The following FGF14 variants were observed in gnomAD, a reference collection of about 807,000 sequenced individuals.
The protein encoded by FGF14 is fibroblast growth factor 14.
FGF14 carries 5 observed loss-of-function variants against 25.5 expected under a neutral mutation model. That is an observed-to-expected ratio of 0.20 (90% CI 0.10 to 0.41). FGF14 has a LOEUF of 0.41. FGF14 is among the 10% of genes least tolerant of loss of function. FGF14 has a pLI of 1.00. For synonymous variants in FGF14, 138 were observed against 118.3 expected (o/e 1.17, Z -1.08); for missense variants, 222 against 320.1 (o/e 0.69, Z 2.34).
chr13:101,798,358 A>T (rs949875023), intron 3 of FGF14, among the ~76,000 whole-genome samples: 10 of 152,108 alleles, frequency 6.6e-5, no homozygotes, highest in African/African-American at 2.4e-4. Context: ...GTGTCCTAGA[A>T]AACTGGCTGG....
chr13:102,314,298 C>G (rs899720141), intron 1 of FGF14, among the ~76,000 whole-genome samples: 10 of 152,168 alleles, frequency 6.6e-5, no homozygotes, highest in African/African-American at 2.2e-4. Context: ...GGAACTGTCT[C>G]TCTCCACCGA....
chr13:102,215,265 C>T (rs116131418), intron 1 of FGF14, among the ~76,000 whole-genome samples: 1,554 of 152,310 alleles, frequency 0.01, 34 homozygotes, highest in African/African-American at 0.034. Context: ...CAGCATGCTC[C>T]AGCACTGGAT....
chr13:102,285,551 CTGTT>C (rs548944495), intron 1 of FGF14, among the ~76,000 whole-genome samples: 153 of 152,260 alleles, frequency 1.0e-3, no homozygotes, highest in African/African-American at 3.3e-3. Flanking sequence ...TGATATTAAA[CTGTT>C]TGAGAGTACA....
At chr13:102,153,359 A>G (rs2047175745) in intron 1 of FGF14, among the ~76,000 whole-genome samples, 1 of 152,218 alleles carries the variant, frequency 6.6e-6, no homozygotes, top group African/African-American at 2.4e-5. Flanking sequence ...CATGTATAGA[A>G]ATAGAAAGAA....
chr13:102,388,604 T>C lies in FGF14; in HGVS notation c.208+12867A>G, dbSNP rs1247112089. ...TTTCTCAACGTATGCCTTCGATTCATCCCTTCCTAATTACTGAGCAATTTC... is the reference window on the plus strand; with the variant it reads ...TTTCTCAACGTATGCCTTCGATTCACCCCTTCCTAATTACTGAGCAATTTC... On this transcript the variant is annotated intron_variant, in intron 1 of 4. Coordinates refer to the FGF14 transcript ENST00000376131. 4.6e-5 allele frequency among the ~76,000 whole-genome samples: 7 copies of C among 152,224 alleles called. No homozygotes were observed. The East Asian group carries it at 1.3e-3, about 29-fold the overall frequency.
At chr13:101,811,804 T>C (rs2041526385) in intron 3 of FGF14, among the ~76,000 whole-genome samples, 1 of 152,164 alleles carries the variant, frequency 6.6e-6, no homozygotes, top group Non-Finnish European at 1.5e-5. Context: ...ACCACTCTAA[T>C]AGGTGTGTAG....
At chr13:102,123,026 T>C (rs1207810728) in intron 1 of FGF14, among the ~76,000 whole-genome samples, 3 of 152,114 alleles carry the variant, frequency 2.0e-5, no homozygotes, top group African/African-American at 4.8e-5. Context: ...ATCAGATTAA[T>C]TGAGATTTGA....
At chr13:101,770,984 T>C in intron 3 of FGF14, among the ~76,000 whole-genome samples, 1 of 152,216 alleles carries the variant, frequency 6.6e-6, no homozygotes, top group Non-Finnish European at 1.5e-5. Flanking sequence ...TATTAAACTA[T>C]ATTAAATTAT....
At position 101,834,514 on chromosome 13, in the gene FGF14, T is replaced by C. The variant is rs988985295; in HGVS notation, c.408+34211A>G. Reference sequence around the variant, plus strand: ...CTTCCAAACACCCACTTATATGTGCTAAGTGGCAGGTAGTATGTGTTATTA... The same window carrying C: ...CTTCCAAACACCCACTTATATGTGCCAAGTGGCAGGTAGTATGTGTTATTA... On this transcript the variant is annotated intron_variant, in intron 3 of 4. Coordinates refer to ENST00000376143, the MANE Select transcript of FGF14 (RefSeq NM_004115.4). Among the ~76,000 whole-genome samples, 16 of 152,080 alleles carry C rather than the reference T, an allele frequency of 1.1e-4. 1 individual carries two copies. Among genetic ancestry groups the C allele is most frequent in the Non-Finnish European group, 5.9e-5 (4 of 67,970 alleles).
upstream of FGF14, among the ~76,000 whole-genome samples, chr13:101,918,842 T>C (rs1255438868): frequency 2.0e-5 from 3 of 152,238 alleles, no homozygotes; most frequent in South Asian, 2.1e-4. Context: ...CAAAGTGTAC[T>C]TCTGGAAGTT....
intron 1 of FGF14, among the ~76,000 whole-genome samples, chr13:101,930,495 T>C (rs1478509559): frequency 6.6e-6 from 1 of 152,242 alleles, no homozygotes; most frequent in Non-Finnish European, 1.5e-5. Flanking sequence ...GAATGCTCCA[T>C]TTTCATAACA....
intron 3 of FGF14, among the ~76,000 whole-genome samples, chr13:101,827,279 A>G (rs1472530562): frequency 6.6e-6 from 1 of 152,002 alleles, no homozygotes; most frequent in Non-Finnish European, 1.5e-5. Flanking sequence ...CTTTATATTT[A>G]CAATGCACAT....
chr13:101,778,836 G>C (rs1367616316), intron 3 of FGF14: 1 of 149,376 alleles, frequency 6.7e-6, no homozygotes, highest in African/African-American at 2.5e-5. Flanking sequence ...CAAAATGTCT[G>C]AAGCCAATTG....
At chr13:102,091,233 C>T (rs188129613) in intron 1 of FGF14, among the ~76,000 whole-genome samples, 4 of 152,238 alleles carry the variant, frequency 2.6e-5, no homozygotes, top group East Asian at 1.9e-4. Flanking sequence ...CTTTGTCTCT[C>T]GGTTCTAAAC....
chr13:102,061,781 C>T (rs61966545), intron 1 of FGF14, among the ~76,000 whole-genome samples: 6,208 of 152,228 alleles, frequency 0.041, 150 homozygotes, highest in African/African-American at 0.06. Context: ...AACATTTGTT[C>T]TTGGAACCAA....
chr13:102,017,119 G>GA, intron 1 of FGF14: 1 of 201,576 alleles, frequency 5.0e-6, no homozygotes, highest in Non-Finnish European at 1.0e-5. Context: ...GGTAACATCT[G>GA]TAATATTCCT....
intron 3 of FGF14, among the ~76,000 whole-genome samples, chr13:101,761,312 A>G (rs1223792422): frequency 6.6e-6 from 1 of 152,196 alleles, no homozygotes; most frequent in African/African-American, 2.4e-5. Context: ...ATGAGACATA[A>G]TGACACACAT....
At chr13:102,083,432 TA>T (rs67351390) in intron 1 of FGF14, among the ~76,000 whole-genome samples, 13,026 of 152,022 alleles carry the variant, frequency 0.086, 1,010 homozygotes, top group African/African-American at 0.21. Flanking sequence ...GGTTTTTTTT[TA>T]AAATTAACCC....
At chr13:102,326,244 C>T (rs1037544146) in intron 1 of FGF14, among the ~76,000 whole-genome samples, 1 of 152,170 alleles carries the variant, frequency 6.6e-6, no homozygotes, top group South Asian at 2.1e-4. Flanking sequence ...GAAAACATGT[C>T]AGCCAAAATA....
Sources: allele counts gnomAD v4.1 joint callset (sites outside exome capture counted in the v4.1 genomes callset), GRCh38; gene constraint gnomAD v4.1.1; transcripts MANE v1.5; gene names NCBI Gene and HGNC (gene_info 2026-07-23, HGNC 2026-07-21).